The following CTNNA2 variants were observed in gnomAD, a reference collection of about 807,000 sequenced individuals.
CTNNA2 encodes the protein catenin alpha-2.
A neutral mutation model predicts 101.0 loss-of-function variants in CTNNA2; 42 were observed. That is an observed-to-expected ratio of 0.42 (90% confidence interval 0.32 to 0.54). CTNNA2 has a LOEUF of 0.54. CTNNA2 is among the 20% of genes least tolerant of loss of function. The pLI is 0.14. For missense variants in CTNNA2, 871 were observed against 1,223.1 expected, an observed-to-expected ratio of 0.71 and a Z score of 4.29; for synonymous variants, 450 against 456.4, an observed-to-expected ratio of 0.99 and a Z score of 0.18.
chr2:79,340,848 A>G (rs1022570082), intron 3 of CTNNA2, among the ~76,000 whole-genome samples: 13 of 149,476 alleles, frequency 8.7e-5, no homozygotes, highest in African/African-American at 2.2e-4. Context: ...AAAAAAAAAA[A>G]AAAAAAGAAA....
At chr2:80,120,758 T>C (rs1701784591) in intron 7 of CTNNA2, among the ~76,000 whole-genome samples, 1 of 152,200 alleles carries the variant, frequency 6.6e-6, no homozygotes, top group Non-Finnish European at 1.5e-5. Context: ...CATATTTTTC[T>C]GAGGTGCTCT....
intron 7 of CTNNA2, among the ~76,000 whole-genome samples, chr2:80,379,093 G>A (rs1374456214): frequency 1.3e-5 from 2 of 152,084 alleles, no homozygotes; most frequent in African/African-American, 4.8e-5. Flanking sequence ...CATAGAAAGA[G>A]GAACTTGGGA....
At chr2:79,191,974 G>GGAAGGAA (rs1460149205) in intron 1 of CTNNA2, among the ~76,000 whole-genome samples, 2 of 152,174 alleles carry the variant, frequency 1.3e-5, no homozygotes, top group African/African-American at 4.8e-5. Flanking sequence ...TCACTTACCA[G>GGAAGGAA]GAAGGAATGT....
rs1676948587 is a variant in CTNNA2, at chr2:79,334,499, G to A, written c.-318+21703G>A. Among the ~76,000 whole-genome samples the A allele has an allele frequency of 2.6e-5, 4 of 152,116 alleles. No individual in the cohort carries two copies. The South Asian group carries it at 8.3e-4, about 32-fold the overall frequency. On this transcript the variant is annotated intron_variant, in intron 3 of 21. Transcript: ENST00000466387. ...CATTTAGACTAGGAGCATCCTGAGG[G>A]CAGGGCATGTTGGGGAAATAAGGCT... is the stretch of plus-strand genomic sequence containing the variant.
At chr2:80,638,289 A>T (rs1291543393) in intron 18 of CTNNA2, among the ~76,000 whole-genome samples, 1 of 151,478 alleles carries the variant, frequency 6.6e-6, no homozygotes, top group Non-Finnish European at 1.5e-5. Context: ...TTCATGTGAC[A>T]TAAGGACTGT....
intron 7 of CTNNA2, chr2:80,288,257 T>A (rs904918079): frequency 4.6e-5 from 7 of 152,148 alleles, no homozygotes; most frequent in African/African-American, 1.4e-4. Flanking sequence ...CTTTGGGAAA[T>A]GACGTGGATC....
At chr2:80,330,375 A>C (rs1248365391) in intron 7 of CTNNA2, among the ~76,000 whole-genome samples, 1 of 152,228 alleles carries the variant, frequency 6.6e-6, no homozygotes, top group Non-Finnish European at 1.5e-5. Flanking sequence ...CTTAGCTAAG[A>C]GACTACTTCT....
At chr2:79,825,293 G>C (rs1388462141) in intron 3 of CTNNA2, among the ~76,000 whole-genome samples, 5 of 152,202 alleles carry the variant, frequency 3.3e-5, no homozygotes, top group Non-Finnish European at 5.9e-5. Context: ...GGACTTTAAA[G>C]TGATGATGCT....
intron 1 of CTNNA2, among the ~76,000 whole-genome samples, chr2:79,599,817 G>A (rs1267747912): frequency 1.3e-5 from 2 of 152,026 alleles, no homozygotes; most frequent in Admixed American, 6.6e-5. Flanking sequence ...TTTGCCATTC[G>A]TACTTTGACT....
intron 7 of CTNNA2, among the ~76,000 whole-genome samples, chr2:80,373,169 T>C (rs562539555): frequency 7.1e-6 from 1 of 140,252 alleles, no homozygotes; most frequent in South Asian, 2.2e-4. Context: ...CAGTGTTAAT[T>C]AGTGGAGTGA....
At chr2:80,520,624 G>T (rs943473472) in intron 9 of CTNNA2, among the ~76,000 whole-genome samples, 13 of 152,140 alleles carry the variant, frequency 8.5e-5, no homozygotes, top group African/African-American at 3.1e-4. Flanking sequence ...AGTTTGCTCT[G>T]TAGTTTCTGC....
At chr2:80,177,341 A>G (rs1705458928) in intron 7 of CTNNA2, among the ~76,000 whole-genome samples, 1 of 152,180 alleles carries the variant, frequency 6.6e-6, no homozygotes, top group African/African-American at 2.4e-5. Context: ...TCCGGTGAGG[A>G]CAAATTGCTG....
At position 80,251,457 on chromosome 2, in the gene CTNNA2, G is replaced by A. The variant is rs74643586; in HGVS notation, c.1057-141754G>A. Among the ~76,000 whole-genome samples, 1,395 of 152,222 alleles carry A rather than the reference G, an allele frequency of 9.2e-3. 7 individuals are homozygous for A. Among genetic ancestry groups the A allele is most frequent in the Non-Finnish European group, 0.016 (1,120 of 68,014 alleles). ...CAGTTTGAAAAATGGAAATCCATAC[G>A]AAGAGGGGGACCTGAATGAAACCCT... On this transcript the variant is annotated intron_variant, in intron 7 of 18. Transcript: ENST00000402739.
At chr2:80,311,804 C>A (rs1677616800) in intron 7 of CTNNA2, among the ~76,000 whole-genome samples, 1 of 152,154 alleles carries the variant, frequency 6.6e-6, no homozygotes, top group South Asian at 2.1e-4. Flanking sequence ...ATGGTTTCAG[C>A]CATTTATTTG....
chr2:80,010,870 T>A (rs1212372708), intron 7 of CTNNA2, among the ~76,000 whole-genome samples: 1 of 152,170 alleles, frequency 6.6e-6, no homozygotes, highest in African/African-American at 2.4e-5. Flanking sequence ...TCTTTGCTCT[T>A]GTTCAAAATT....
chr2:80,406,335 G>GAAAA (rs71669400), intron 8 of CTNNA2, among the ~76,000 whole-genome samples: 1 of 129,626 alleles, frequency 7.7e-6, no homozygotes, highest in Non-Finnish European at 1.7e-5. Flanking sequence ...ACTCCTTCTC[G>GAAAA]AAAAAAAAAA....
intron 3 of CTNNA2, among the ~76,000 whole-genome samples, chr2:79,833,639 A>G (rs1360952790): frequency 1.3e-5 from 2 of 152,186 alleles, no homozygotes; most frequent in South Asian, 2.1e-4. Flanking sequence ...CAAAAAGCCA[A>G]TGTACTCATA....
At chr2:80,095,740 A>G (rs2148828542) in intron 7 of CTNNA2, among the ~76,000 whole-genome samples, 1 of 152,206 alleles carries the variant, frequency 6.6e-6, no homozygotes, top group South Asian at 2.1e-4. Context: ...GGGAGGGTGT[A>G]TGTGTCGAGG....
At chr2:79,318,127 A>G (rs1339476003) in intron 3 of CTNNA2, among the ~76,000 whole-genome samples, 1 of 152,136 alleles carries the variant, frequency 6.6e-6, no homozygotes, top group Non-Finnish European at 1.5e-5. Flanking sequence ...TCTACCAAAT[A>G]TAAATACTTC....
Sources: gnomAD v4.1 joint callset for allele counts (sites outside exome capture counted in the v4.1 genomes callset) on GRCh38, gnomAD v4.1.1 for gene constraint, MANE v1.5 for transcripts, NCBI Gene and HGNC (gene_info 2026-07-23, HGNC 2026-07-21) for gene names.